Variants in NDC1 observed in about 807,000 individuals in gnomAD.
NDC1 encodes the protein NDC1 transmembrane nucleoporin, also known as nucleoporin NDC1.
In NDC1, 24 loss-of-function variants were observed where a neutral mutation model predicts 89.8. The ratio of observed to expected loss-of-function variants is 0.27; its 90% CI spans 0.19 to 0.38. The LOEUF (loss-of-function observed/expected upper bound fraction) is 0.38, where lower values mean the gene tolerates loss of function less well. NDC1 is among the 10% of genes least tolerant of loss of function. NDC1 has a pLI of 1.00. For missense variants in NDC1, 728 were observed against 797.6 expected (o/e 0.91, Z 1.05); for synonymous variants, 296 against 284.8 (o/e 1.04, Z -0.39).
chr1:53,768,471 T>C (rs1223753387), intron 17 of NDC1, among the ~76,000 whole-genome samples: 1 of 152,232 alleles, frequency 6.6e-6, no homozygotes, highest in African/African-American at 2.4e-5. Context: ...ACTCCATTAA[T>C]TGTTTTCAAA....
chr1:53,802,198 C>T (rs766256642), intron 10 of NDC1, among the ~76,000 whole-genome samples: 5 of 152,168 alleles, frequency 3.3e-5, no homozygotes, highest in Non-Finnish European at 4.4e-5. Context: ...TAATTTTCCA[C>T]AGTATCAGCT....
chr1:53,807,905 G>A, intron 7 of NDC1, 114 bp from the exon 8 acceptor site: 1 of 941,748 alleles, frequency 1.1e-6, no homozygotes, highest in Non-Finnish European at 1.6e-6. Flanking sequence ...AATGTTGACA[G>A]ACTCCTCTCC....
intron 11 of NDC1, among the ~76,000 whole-genome samples, chr1:53,798,850 T>C (rs1647817234): frequency 6.6e-6 from 1 of 152,220 alleles, no homozygotes; most frequent in African/African-American, 2.4e-5. Flanking sequence ...CCACCACACC[T>C]GGCCCATTAT....
In NDC1 at chr1:53,832,542, C is replaced by T. The variant is rs758487128; in HGVS notation, c.228G>A (p.Leu76=). Residue 76 remains leucine, a synonymous_variant, in exon 3 of 18, where the codon CTG becomes CTA. Transcript: ENST00000371429. The part of the protein sequence containing the change: ...YSSYVIFYFL[L]LSVVIIIISI... Reference sequence around the variant, plus strand: ...TTATTATTATTATTACCACTGACAGCAGCAGGAAGTAAAAGATTACATAGG... The same window carrying T: ...TTATTATTATTATTACCACTGACAGTAGCAGGAAGTAAAAGATTACATAGG... The T allele has an allele frequency of 1.1e-5, 18 of 1,603,054 alleles. No individual in the cohort carries two copies. Among genetic ancestry groups the T allele is most frequent in the Non-Finnish European group, 1.4e-5 (16 of 1,170,240 alleles).
chr1:53,819,443 T>C (rs899421734), intron 5 of NDC1, among the ~76,000 whole-genome samples: 3 of 152,208 alleles, frequency 2.0e-5, no homozygotes, highest in African/African-American at 7.2e-5. Flanking sequence ...ACTTTACATA[T>C]TTGAATTCAT....
rs529989226 is a variant in NDC1 at position 53,772,220 on chromosome 1, A to G, written c.1961+109T>C. ...TGTAAGTTTACAGTGAGAATCATCA[A>G]GGTCCCAAAAGAACACTTTCAACAC... is the stretch of plus-strand genomic sequence containing the variant. On this transcript the variant is annotated intron_variant, in intron 17 of 17. Coordinates refer to ENST00000371429, the MANE Select transcript of NDC1 (RefSeq NM_018087.5). 20 of 919,270 alleles carry G rather than the reference A, an allele frequency of 2.2e-5. No homozygotes were observed. In the South Asian group the frequency reaches 3.7e-4, roughly 17 times the overall value. 56.9% of individuals were successfully genotyped at this position (919,270 alleles called of 1,614,324 possible). A position where few individuals can be genotyped will look rare whatever the true frequency, so the allele number is the denominator to read the frequency against.
chr1:53,807,570 G>A (rs925608680), intron 8 of NDC1, 86 bp downstream of exon 8: 52 of 1,127,582 alleles, frequency 4.6e-5, no homozygotes, highest in East Asian at 2.9e-4. Context: ...ATGGTTTTGC[G>A]TGTGCTGATC....
rs1647060166 is a variant in NDC1, at chr1:53,765,743, T to A, written c.*2227A>T. On this transcript the variant is annotated 3_prime_UTR_variant, in exon 18 of 18. Transcript: ENST00000371429. The stretch of plus-strand genomic sequence containing the variant: ...GTCAAGCAAACATGCTAAGAGCTGA[T>A]ACCATCATGTTTTTATACTAACAGC... 6.6e-6 allele frequency: 1 copy of A among 152,190 alleles called. No individual in the cohort carries two copies. The highest frequency in any genetic ancestry group is 2.4e-5 in the African/African-American group (1 of 41,436). The allele number at this position is 152,190 out of a possible 1,614,324, so 9.4% of individuals were successfully genotyped here.
intron 9 of NDC1, 87 bp downstream of exon 9, chr1:53,806,338 A>C: frequency 1.2e-6 from 1 of 857,256 alleles, no homozygotes; most frequent in Non-Finnish European, 1.7e-6. Context: ...CCCTCAAAAA[A>C]TACAACTACT....
intron 4 of NDC1, among the ~76,000 whole-genome samples, chr1:53,827,206 T>C (rs937767709): frequency 2.7e-5 from 4 of 150,834 alleles, no homozygotes; most frequent in Non-Finnish European, 4.4e-5. Flanking sequence ...AGTAATAATG[T>C]AACACTGTTT....
chr1:53,796,383 C>T (rs1450085235), intron 13 of NDC1, among the ~76,000 whole-genome samples: 5 of 152,130 alleles, frequency 3.3e-5, no homozygotes, highest in African/African-American at 1.2e-4. Flanking sequence ...TTTCCCCTCA[C>T]TCGAATGTAA....
At position 53,772,452 on chromosome 1, in the gene NDC1, C is replaced by T; in HGVS notation, c.1838G>A (p.Ser613Asn). ...GCTTCCTGAAATCCGGGGTGGTTTA[C>T]TGGAAGCATGAGGAAGCTTAAAGTA... ...DKYFKLPHAS[S>N]KPPRISGSLV... The change falls in exon 17 of 18, where the codon AGT becomes AAT. Residue 613 changes from serine to asparagine, a missense_variant. Transcript: ENST00000371429. 1 of 1,613,328 alleles carries T rather than the reference C, an allele frequency of 6.2e-7. No individual in the cohort carries two copies. Among genetic ancestry groups the T allele is most frequent in the Non-Finnish European group, 8.5e-7 (1 of 1,179,512 alleles).
chr1:53,818,605 A>G (rs1013469467), intron 6 of NDC1, among the ~76,000 whole-genome samples: 1 of 152,156 alleles, frequency 6.6e-6, no homozygotes, highest in Non-Finnish European at 1.5e-5. Flanking sequence ...GACAACCACC[A>G]TTCTGTTTTT....
chr1:53,778,480 T>C (rs1360207080), intron 16 of NDC1, among the ~76,000 whole-genome samples: 2 of 152,082 alleles, frequency 1.3e-5, no homozygotes, highest in Non-Finnish European at 2.9e-5. Context: ...TGGACGGGCA[T>C]GGTGGCTCAC....
chr1:53,768,977 T>C (rs1403315926), intron 17 of NDC1, among the ~76,000 whole-genome samples: 1 of 152,176 alleles, frequency 6.6e-6, no homozygotes, highest in African/African-American at 2.4e-5. Flanking sequence ...CAATTTACTA[T>C]TAGTACTCCT....
chr1:53,825,453 C>CAAAAAAAAAAAAAAAAAAAAAAAAAAAAA (rs369960654), intron 5 of NDC1, among the ~76,000 whole-genome samples: 32 of 125,706 alleles, frequency 2.5e-4, no homozygotes, highest in African/African-American at 3.4e-4. Flanking sequence ...AGACTGTCTC[C>CAAAAAAAAAAAAAAAAAAAAAAAAAAAAA]AAAAAAAAAG....
chr1:53,788,204 G>C (rs956959313), intron 15 of NDC1, among the ~76,000 whole-genome samples: 1 of 151,960 alleles, frequency 6.6e-6, no homozygotes, highest in African/African-American at 2.4e-5. Context: ...TGAGGGAGGA[G>C]GATTGCATGA....
intron 11 of NDC1, among the ~76,000 whole-genome samples, chr1:53,799,458 T>C (rs1222879588): frequency 6.6e-6 from 1 of 152,258 alleles, no homozygotes; most frequent in Non-Finnish European, 1.5e-5. Flanking sequence ...TTTTCATATG[T>C]AATCTATTTG....
chr1:53,780,206 G>C (rs2100628407), intron 16 of NDC1, among the ~76,000 whole-genome samples: 1 of 152,220 alleles, frequency 6.6e-6, no homozygotes, highest in Middle Eastern at 3.4e-3. Context: ...CCGAGTAGCT[G>C]GGATTACAAG....
Sources: gnomAD v4.1 joint callset for allele counts (sites outside exome capture counted in the v4.1 genomes callset) on GRCh38, gnomAD v4.1.1 for gene constraint, MANE v1.5 for transcripts, NCBI Gene and HGNC (gene_info 2026-07-23, HGNC 2026-07-21) for gene names.